Variants in DNAAF9 observed in about 807,000 individuals in gnomAD.
DNAAF9 encodes the protein shulin.
DNAAF9 carries 90 observed loss-of-function variants against 167.0 expected under a neutral mutation model. The ratio of observed to expected loss-of-function variants is 0.54; its 90% CI spans 0.45 to 0.64. The LOEUF (loss-of-function observed/expected upper bound fraction) is 0.64, where lower values mean the gene tolerates loss of function less well. Ranked by LOEUF, DNAAF9 falls within the 30% of genes least tolerant of loss-of-function variation. DNAAF9 has a pLI of 0.00. For synonymous variants in DNAAF9, 491 were observed against 508.8 expected (o/e 0.96, Z 0.47); for missense variants, 1,315 against 1,442.2 (o/e 0.91, Z 1.43).
intron 12 of DNAAF9, among the ~76,000 whole-genome samples, chr20:3,328,187 T>C (rs949441400): frequency 1.3e-5 from 2 of 148,238 alleles, no homozygotes; most frequent in African/African-American, 2.5e-5. Context: ...GGCTCTGTTT[T>C]TTTTTTTTTT....
intron 7 of DNAAF9, among the ~76,000 whole-genome samples, chr20:3,351,248 T>TCC (rs2070318077): frequency 6.6e-6 from 1 of 152,152 alleles, no homozygotes; most frequent in Admixed American, 6.6e-5. Context: ...ATCCCAGCAC[T>TCC]CTGGGAGGCT....
chr20:3,368,761 C>G (rs1391208435), intron 6 of DNAAF9, among the ~76,000 whole-genome samples: 2 of 152,066 alleles, frequency 1.3e-5, no homozygotes, highest in Non-Finnish European at 2.9e-5. Flanking sequence ...CTCGTGATCC[C>G]TCCGCCTCGG....
intron 6 of DNAAF9, chr20:3,362,307 G>C: frequency 2.1e-6 from 2 of 952,750 alleles, no homozygotes. Context: ...TTACTACTGA[G>C]CCTGTGGTGG....
In DNAAF9 at chr20:3,356,577, T is replaced by C. The variant is rs2083289652; in HGVS notation, c.690+2939A>G. On this transcript the variant is annotated intron_variant, in intron 7 of 36. Coordinates refer to ENST00000252032, the MANE Select transcript of DNAAF9 (RefSeq NM_001009984.3). ...TACCTATCATTGCCCTCTTTTCTCT[T>C]TTGAAATTTCTGCTTTTTCCCTTTT... Among the ~76,000 whole-genome samples, 3 of 152,258 alleles carry C rather than the reference T, an allele frequency of 2.0e-5. No individual in the cohort carries two copies. The South Asian group carries it at 6.2e-4, about 31-fold the overall frequency.
At chr20:3,312,425 A>T (rs980280066) in intron 20 of DNAAF9, among the ~76,000 whole-genome samples, 3 of 143,712 alleles carry the variant, frequency 2.1e-5, no homozygotes, top group South Asian at 2.2e-4. Context: ...AGGGGGCTTT[A>T]AAAAAAAAAA....
At chr20:3,278,855 G>T in intron 29 of DNAAF9, 57 bp downstream of exon 29, 3 of 1,241,572 alleles carry the variant, frequency 2.4e-6, no homozygotes, top group Non-Finnish European at 3.6e-6. Flanking sequence ...AAAGTCTATT[G>T]CTGAATTCTA....
At chr20:3,279,064 C>G (rs568860555) in intron 28 of DNAAF9, 115 bp from the exon 29 acceptor site, 3 of 754,766 alleles carry the variant, frequency 4.0e-6, no homozygotes, top group Middle Eastern at 2.4e-4. Flanking sequence ...CATGATGAGG[C>G]AGGTGGCAGC....
intron 1 of DNAAF9, among the ~76,000 whole-genome samples, chr20:3,405,860 G>A (rs2084047392): frequency 6.6e-6 from 1 of 152,168 alleles, no homozygotes; most frequent in Admixed American, 6.5e-5. Flanking sequence ...TTTAACGGAT[G>A]GCTGTTCTAA....
At chr20:3,384,149 T>C (rs955445162) in intron 1 of DNAAF9, 1 of 152,186 alleles carries the variant, frequency 6.6e-6, no homozygotes, top group Non-Finnish European at 1.5e-5. Context: ...ATTCCATGAC[T>C]TGGCGCTCTT....
At chr20:3,373,385 G>A (rs916235048) in intron 6 of DNAAF9, among the ~76,000 whole-genome samples, 9 of 152,180 alleles carry the variant, frequency 5.9e-5, no homozygotes, top group African/African-American at 1.4e-4. Context: ...ATGGATACTC[G>A]TGGTCATGCT....
chr20:3,370,975 T>C (rs2083499481), intron 6 of DNAAF9, among the ~76,000 whole-genome samples: 1 of 152,172 alleles, frequency 6.6e-6, no homozygotes, highest in Non-Finnish European at 1.5e-5. Flanking sequence ...GACTATTACA[T>C]AACAACCTTT....
intron 33 of DNAAF9, among the ~76,000 whole-genome samples, chr20:3,256,965 C>A (rs910695327): frequency 6.6e-6 from 1 of 151,686 alleles, no homozygotes; most frequent in Non-Finnish European, 1.5e-5. Context: ...TGCACTACTG[C>A]ACTCCAGCCT....
Position 3,267,040 on chromosome 20 carries a change from T to C in DNAAF9, c.2787-2516A>G, listed in dbSNP as rs374919453. Reference sequence around the variant, plus strand: ...GCTAATTTTATATTTTTAATAGAGATGGGGTTTTGCCATATTGGTCAGGCT... The same window carrying C: ...GCTAATTTTATATTTTTAATAGAGACGGGGTTTTGCCATATTGGTCAGGCT... On this transcript the variant is annotated intron_variant, in intron 30 of 36. Transcript: ENST00000252032. Among the ~76,000 whole-genome samples, 45 of 151,952 alleles carry C rather than the reference T, an allele frequency of 3.0e-4. 2 individuals carry two copies. Among genetic ancestry groups the C allele is most frequent in the African/African-American group, 1.1e-3 (44 of 41,432 alleles).
At chr20:3,323,570 T>C (rs1421937972) in intron 14 of DNAAF9, among the ~76,000 whole-genome samples, 1 of 152,084 alleles carries the variant, frequency 6.6e-6, no homozygotes, top group Non-Finnish European at 1.5e-5. Flanking sequence ...CGTGAGCCAC[T>C]GCGCCCCGCC....
At chr20:3,252,834 A>T (rs2068216906) in intron 36 of DNAAF9, 150 bp from the exon 37 acceptor site, 1 of 627,070 alleles carries the variant, frequency 1.6e-6, no homozygotes, top group South Asian at 1.8e-5. Context: ...CTTTGTATAT[A>T]CTGGCAGCAC....
intron 35 of DNAAF9, among the ~76,000 whole-genome samples, chr20:3,254,228 G>A (rs1195241688): frequency 6.6e-6 from 1 of 152,166 alleles, no homozygotes; most frequent in Non-Finnish European, 1.5e-5. Flanking sequence ...ACAGGCATGC[G>A]CCACCACGCC....
At chr20:3,371,331 ATCTTT>A (rs1271054821) in intron 6 of DNAAF9, among the ~76,000 whole-genome samples, 1 of 117,836 alleles carries the variant, frequency 8.5e-6, no homozygotes, top group African/African-American at 3.2e-5. Flanking sequence ...CTTGAAGAAA[ATCTTT>A]TTTTTTTTTT....
Position 3,315,149 on chromosome 20 carries a change from C to G in DNAAF9, c.1591-29G>C, listed in dbSNP as rs1372710634. 7.5e-7 allele frequency: 1 copy of G among 1,331,146 alleles called. No individual in the cohort carries two copies. Among genetic ancestry groups the G allele is most frequent in the East Asian group, 2.3e-5 (1 of 43,564 alleles). 82.5% of individuals were successfully genotyped at this position (1,331,146 alleles called of 1,614,324 possible). On this transcript the variant is annotated intron_variant, in intron 19 of 36. Transcript: ENST00000252032. This position sits in a 1 kb window ranked among gnomAD's most constrained non-coding sequence, Gnocchi z 4.1. ...TAAAAACAACAACAAAAACAAAAAT[C>G]CAAAAAAGAATAGGTGATTTATAGC...
chr20:3,264,081 C>A (rs1334575314), intron 31 of DNAAF9, among the ~76,000 whole-genome samples: 1 of 152,208 alleles, frequency 6.6e-6, no homozygotes, highest in Admixed American at 6.5e-5. Flanking sequence ...GACTGACTGA[C>A]GGTATTGTCA....
Sources: allele counts gnomAD v4.1 joint callset (sites outside exome capture counted in the v4.1 genomes callset), GRCh38; gene constraint gnomAD v4.1.1; non-coding constraint Gnocchi (gnomAD v3.1); transcripts MANE v1.5; gene names NCBI Gene and HGNC (gene_info 2026-07-23, HGNC 2026-07-21).